Variants in TWSG1 observed in about 807,000 individuals in gnomAD.
TWSG1 encodes twisted gastrulation protein homolog 1.
TWSG1 carries 15 observed loss-of-function variants against 23.0 expected under a neutral mutation model. That is an observed-to-expected ratio of 0.65 (90% CI 0.44 to 1.00). TWSG1 has a LOEUF of 1.00. Ranked by LOEUF, TWSG1 falls within the 50% of genes least tolerant of loss-of-function variation. TWSG1 has a pLI of 0.00. For synonymous variants in TWSG1, 86 were observed against 92.8 expected, an observed-to-expected ratio of 0.93 and a Z score of 0.42; for missense variants, 242 against 278.7, an observed-to-expected ratio of 0.87 and a Z score of 0.94.
At chr18:9,375,886 C>G (rs1432739329) in intron 3 of TWSG1, among the ~76,000 whole-genome samples, 1 of 151,922 alleles carries the variant, frequency 6.6e-6, no homozygotes. Context: ...TCCATACTGT[C>G]AAGATGTCAG....
At chr18:9,359,889 A>G in intron 2 of TWSG1, 83 bp from the exon 3 acceptor site, 1 of 1,009,942 alleles carries the variant, frequency 9.9e-7, no homozygotes, top group Non-Finnish European at 1.5e-6. Context: ...AAATGCAAAT[A>G]TGGCAGGGTT....
Position 9,360,017 on chromosome 18 carries a change from A to G in TWSG1, c.169A>G (p.Lys57Glu), listed in dbSNP as rs987230401. 1 of 1,613,638 alleles carries G rather than the reference A, an allele frequency of 6.2e-7. No homozygotes were observed. ...GGGAGAAGGCAATTGCTCCTGCTGT[A>G]AGGAGTGCATGCTGTGTCTTGGGGC... ...RPGEGNCSCC[K>E]ECMLCLGALW... Residue 57 changes from lysine to glutamate, a missense_variant, in exon 3 of 5, where the codon AAG becomes GAG. Transcript: ENST00000262120.
At position 9,359,964 on chromosome 18, in the gene TWSG1, G is replaced by A. The variant is rs1479886797; in HGVS notation, c.124-8G>A. ...GAATTTGAAGTTTAACATCTGTCTTGTTTCTAGGAGCTCTGCCAGTGCCGG... is the reference window on the plus strand; with the variant it reads ...GAATTTGAAGTTTAACATCTGTCTTATTTCTAGGAGCTCTGCCAGTGCCGG... On this transcript the variant is annotated splice_region_variant and splice_polypyrimidine_tract_variant and intron_variant, in intron 2 of 4. Coordinates refer to ENST00000262120, the MANE Select transcript of TWSG1 (RefSeq NM_020648.6). The A allele has an allele frequency of 6.2e-7, 1 of 1,611,462 alleles. No homozygotes were observed. Among genetic ancestry groups the A allele is most frequent in the South Asian group, 1.1e-5 (1 of 90,998 alleles).
At chr18:9,376,817 G>T (rs1308337360) in intron 3 of TWSG1, among the ~76,000 whole-genome samples, 7 of 136,826 alleles carry the variant, frequency 5.1e-5, no homozygotes, top group Admixed American at 3.9e-4. Flanking sequence ...GGGTGACAGA[G>T]CAAAACCCTG....
intron 3 of TWSG1, among the ~76,000 whole-genome samples, chr18:9,365,254 C>T (rs1310809054): frequency 6.6e-6 from 1 of 152,090 alleles, no homozygotes; most frequent in Non-Finnish European, 1.5e-5. Flanking sequence ...CTCAGGAGGT[C>T]AAGGCTGCAG....
At chr18:9,339,155 T>C (rs1393442179) in intron 2 of TWSG1, among the ~76,000 whole-genome samples, 1 of 151,332 alleles carries the variant, frequency 6.6e-6, no homozygotes, top group Non-Finnish European at 1.5e-5. Flanking sequence ...CAGTGAGCTA[T>C]GATTGTGCCA....
rs915818348 is a variant in TWSG1 at position 9,364,076 on chromosome 18, T to G, written c.223+4005T>G. ...TATTTGGTTGTTAGATTTCTTAAGT[T>G]TCTTTTATTCTAAAACAGTTTCTTC... On this transcript the variant is annotated intron_variant, in intron 3 of 4. Transcript: ENST00000262120. Among the ~76,000 whole-genome samples the G allele has an allele frequency of 2.6e-5, 4 of 152,370 alleles. No homozygotes were observed. In the East Asian group the frequency reaches 7.7e-4, roughly 29 times the overall value.
At position 9,399,633 on chromosome 18, in the gene TWSG1, T is replaced by G; in HGVS notation, c.*106T>G. The G allele has an allele frequency of 2.0e-6, 2 of 1,008,266 alleles. No individual in the cohort carries two copies. Among genetic ancestry groups the G allele is most frequent in the Non-Finnish European group, 2.8e-6 (2 of 714,696 alleles). 62.5% of individuals were successfully genotyped at this position (1,008,266 alleles called of 1,614,324 possible). A position where few individuals can be genotyped will look rare whatever the true frequency, so the allele number is the denominator to read the frequency against. On this transcript the variant is annotated 3_prime_UTR_variant, in exon 5 of 5. Transcript: ENST00000262120. Reference sequence around the variant, plus strand: ...GTATCAGAATCCCAGTAAGTTAAGTTGTAAAGACTTTGGAATAAGTTTCTT... The same window carrying G: ...GTATCAGAATCCCAGTAAGTTAAGTGGTAAAGACTTTGGAATAAGTTTCTT...
intron 2 of TWSG1, among the ~76,000 whole-genome samples, chr18:9,340,384 A>AG (rs1256619604): frequency 2.0e-5 from 3 of 151,246 alleles, no homozygotes; most frequent in South Asian, 2.1e-4. Flanking sequence ...AAAAAAAAAA[A>AG]AAAAAAGAAA....
At chr18:9,336,575 A>C (rs2040424588) in intron 1 of TWSG1, among the ~76,000 whole-genome samples, 1 of 152,108 alleles carries the variant, frequency 6.6e-6, no homozygotes. Flanking sequence ...TCCATTTAAA[A>C]TTTTGTTTTG....
chr18:9,352,399 G>T (rs566730279), intron 2 of TWSG1, among the ~76,000 whole-genome samples: 1 of 152,160 alleles, frequency 6.6e-6, no homozygotes, highest in East Asian at 1.9e-4. Context: ...TTCCCATATG[G>T]GTCTTTTTAT....
chr18:9,378,374 T>A (rs979939628), intron 3 of TWSG1, among the ~76,000 whole-genome samples: 1 of 152,178 alleles, frequency 6.6e-6, no homozygotes, highest in Non-Finnish European at 1.5e-5. Context: ...CCCCATAGTC[T>A]CTGCCCAAAA....
At chr18:9,399,258 A>G (rs2040751740) in intron 4 of TWSG1, 88 bp from the exon 5 acceptor site, 1 of 831,950 alleles carries the variant, frequency 1.2e-6, no homozygotes, top group African/African-American at 1.7e-5. Context: ...AAGATAAATA[A>G]CTGTTAATAT....
intron 2 of TWSG1, among the ~76,000 whole-genome samples, chr18:9,340,183 A>G (rs941740877): frequency 2.6e-5 from 4 of 151,978 alleles, no homozygotes; most frequent in Non-Finnish European, 5.9e-5. Flanking sequence ...CCTGGCTAAC[A>G]TGGTGAAACC....
chr18:9,381,411 A>G (rs904405095), intron 3 of TWSG1, among the ~76,000 whole-genome samples: 3 of 152,214 alleles, frequency 2.0e-5, no homozygotes, highest in Non-Finnish European at 4.4e-5. Flanking sequence ...ATGTAATTGG[A>G]AAAAAGCATT....
At chr18:9,354,403 G>C (rs914562783) in intron 2 of TWSG1, among the ~76,000 whole-genome samples, 19 of 152,130 alleles carry the variant, frequency 1.2e-4, no homozygotes, top group African/African-American at 3.6e-4. Context: ...TTGGTGTTTA[G>C]TTTTGATCAC....
At chr18:9,369,111 A>G (rs1568035764) in intron 3 of TWSG1, among the ~76,000 whole-genome samples, 1 of 98,256 alleles carries the variant, frequency 1.0e-5, no homozygotes, top group Admixed American at 1.3e-4. Context: ...CTGTCTCAAA[A>G]CAAACAAACA....
intron 2 of TWSG1, among the ~76,000 whole-genome samples, chr18:9,352,678 C>T (rs1449814363): frequency 6.6e-6 from 1 of 152,080 alleles, no homozygotes; most frequent in Non-Finnish European, 1.5e-5. Flanking sequence ...TTTATTATAG[C>T]AACAGGGTTA....
rs2040760454 is a variant in TWSG1 at position 9,401,063 on chromosome 18, T to A, written c.*1536T>A. 1.3e-5 allele frequency: 2 copies of A among 152,226 alleles called. No homozygotes were observed. Among genetic ancestry groups the A allele is most frequent in the South Asian group, 4.1e-4 (2 of 4,828 alleles). 9.4% of individuals were successfully genotyped at this position (152,226 alleles called of 1,614,324 possible). On this transcript the variant is annotated 3_prime_UTR_variant, in exon 5 of 5. Coordinates refer to ENST00000262120, the MANE Select transcript of TWSG1 (RefSeq NM_020648.6). ...CATTTGTAATATTATGATCAACTGTTATAAATTAAGGTCTTAATACCTTTT... is the reference window on the plus strand; with the variant it reads ...CATTTGTAATATTATGATCAACTGTAATAAATTAAGGTCTTAATACCTTTT...
Sources: allele counts gnomAD v4.1 joint callset (sites outside exome capture counted in the v4.1 genomes callset), GRCh38; gene constraint gnomAD v4.1.1; transcripts MANE v1.5; gene names NCBI Gene and HGNC (gene_info 2026-07-23, HGNC 2026-07-21).